The following MYOCOS variants were observed in gnomAD, a reference collection of about 807,000 sequenced individuals.
MYOCOS encodes the protein myocilin opposite strand, also known as myocilin opposite strand protein.
chr1:171,624,435 A>AATTATTATTATTATTATTATT lies in MYOCOS; in HGVS notation c.95+463_95+483dup, dbSNP rs72026900. On this transcript the variant is annotated intron_variant, in intron 2 of 2. Coordinates refer to ENST00000637642, the MANE Select transcript of MYOCOS (RefSeq NM_001391940.1). Reference sequence around the variant, plus strand: ...CAGCCATGTGCCACCACGTCTGGTTAATTATTATTATTATTATTATTATTA... The same window carrying AATTATTATTATTATTATTATT: ...CAGCCATGTGCCACCACGTCTGGTTAATTATTATTATTATTATTATTATTATTATTATTATTATTATTATTA... Among the ~76,000 whole-genome samples, 293 of 147,176 alleles carry AATTATTATTATTATTATTATT rather than the reference A, an allele frequency of 2.0e-3. 2 individuals carry two copies. Among genetic ancestry groups the AATTATTATTATTATTATTATT allele is most frequent in the African/African-American group, 6.8e-3 (269 of 39,284 alleles).
upstream of MYOCOS, among the ~76,000 whole-genome samples, chr1:171,620,741 G>A (rs1385790634): frequency 6.6e-6 from 1 of 151,270 alleles, no homozygotes; most frequent in Admixed American, 6.6e-5. Context: ...CTGTCTTTCT[G>A]GGCAAACCAA....
intron 1 of MYOCOS, among the ~76,000 whole-genome samples, chr1:171,609,453 T>A (rs995811832): frequency 1.3e-5 from 2 of 152,128 alleles, no homozygotes; most frequent in African/African-American, 4.8e-5. Context: ...GTGGATGTAT[T>A]CCCCTCCTGC....
intron 2 of MYOCOS, among the ~76,000 whole-genome samples, chr1:171,616,188 G>A (rs891873866): frequency 3.3e-5 from 5 of 152,080 alleles, no homozygotes; most frequent in African/African-American, 1.2e-4. Context: ...CTGCACTCCA[G>A]CCTGGGTGAC....
chr1:171,606,809 C>T (rs574026219), intron 1 of MYOCOS, among the ~76,000 whole-genome samples: 4 of 152,206 alleles, frequency 2.6e-5, no homozygotes, highest in East Asian at 3.9e-4. Context: ...GTTTTCTCTG[C>T]GGCTTGTCCT....
chr1:171,623,652 A>G (rs1558082760), intron 1 of MYOCOS, among the ~76,000 whole-genome samples, 189 bp from the exon 2 acceptor site: 3 of 152,156 alleles, frequency 2.0e-5, no homozygotes, highest in African/African-American at 4.8e-5. Context: ...CCCACTCCTC[A>G]TAATAGGTAT....
At position 171,613,170 on chromosome 1, in the gene MYOCOS, A is replaced by C. The variant is rs77907559; in HGVS notation, c.-251-1628A>C. 3.8e-3 allele frequency among the ~76,000 whole-genome samples: 584 copies of C among 152,238 alleles called. 7 individuals are homozygous for C. Among genetic ancestry groups the C allele is most frequent in the African/African-American group, 0.013 (558 of 41,556 alleles). ...TGTCCCTAGATCTCTGTGGGAAATC[A>C]TTACTATACACTTGCCATGGTATTA... On this transcript the variant is annotated intron_variant, in intron 1 of 3. Transcript: ENST00000636697.
chr1:171,612,062 G>GTTTCTTTTCT (rs535900839), intron 1 of MYOCOS, among the ~76,000 whole-genome samples: 100 of 151,890 alleles, frequency 6.6e-4, no homozygotes, highest in African/African-American at 2.4e-3. Flanking sequence ...TACCCTTTAG[G>GTTTCTTTTCT]TTTCTTTTCT....
upstream of MYOCOS, among the ~76,000 whole-genome samples, chr1:171,618,848 T>C (rs982680867): frequency 6.6e-6 from 1 of 152,224 alleles, no homozygotes; most frequent in African/African-American, 2.4e-5. Flanking sequence ...AGTTCGGAGA[T>C]TACAGGCATG....
upstream of MYOCOS, among the ~76,000 whole-genome samples, chr1:171,621,531 A>C (rs1344224125): frequency 6.6e-6 from 1 of 151,486 alleles, no homozygotes; most frequent in Non-Finnish European, 1.5e-5. Context: ...ACCCGCCACC[A>C]CGCCTGGCTA....
intron 1 of MYOCOS, among the ~76,000 whole-genome samples, chr1:171,608,886 G>T (rs1169051724): frequency 1.3e-5 from 2 of 152,176 alleles, no homozygotes; most frequent in Non-Finnish European, 2.9e-5. Context: ...GGGGAAATGA[G>T]TCCCTGAGTC....
chr1:171,623,920 C>T lies in MYOCOS; in HGVS notation c.37C>T (p.Leu13Phe), dbSNP rs1572206579. The change falls in exon 2 of 3, where the codon CTC becomes TTC. Residue 13 changes from leucine to phenylalanine, a missense_variant. Transcript: ENST00000637642. ...QKSLANNSIN[L>F]PYKDLTSEVT... ...AAGCCTTGCAAACAACAGCATTAAT[C>T]TCCCCTACAAGGACTTGACCTCCGA... 2.5e-6 allele frequency: 1 copy of T among 398,556 alleles called. No individual in the cohort carries two copies. The highest frequency in any genetic ancestry group is 3.6e-5 in the East Asian group (1 of 28,064). The allele number at this position is 398,556 out of a possible 1,614,324, so 24.7% of individuals were successfully genotyped here.
At chr1:171,604,011 T>G (rs1359120818) in intron 1 of MYOCOS, 10 of 152,184 alleles carry the variant, frequency 6.6e-5, no homozygotes, top group Admixed American at 6.5e-4. Context: ...CACTGAAGTT[T>G]GCAACACCCT....
At chr1:171,617,761 A>C (rs149614356), upstream of MYOCOS, among the ~76,000 whole-genome samples, 7 of 152,240 alleles carry the variant, frequency 4.6e-5, no homozygotes, top group Admixed American at 4.6e-4. Flanking sequence ...GAGAAATAAC[A>C]TGTTTGTTCA....
upstream of MYOCOS, among the ~76,000 whole-genome samples, chr1:171,617,314 A>T (rs1000167104): frequency 2.0e-5 from 3 of 152,148 alleles, no homozygotes; most frequent in Non-Finnish European, 4.4e-5. Context: ...TATGAACCTG[A>T]CACGCGATTA....
chr1:171,607,093 C>CCA (rs1652258909), intron 1 of MYOCOS, among the ~76,000 whole-genome samples: 1 of 66,812 alleles, frequency 1.5e-5, no homozygotes, highest in African/African-American at 5.8e-5. Flanking sequence ...GACTCTGTCT[C>CCA]AAAAAAAAAA....
chr1:171,623,156 T>C (rs2015656), intron 1 of MYOCOS, among the ~76,000 whole-genome samples: 3 of 151,866 alleles, frequency 2.0e-5, no homozygotes, highest in Non-Finnish European at 4.4e-5. Context: ...GAGACAGCTC[T>C]GCTACACTCC....
chr1:171,615,953 C>T (rs983205009), intron 2 of MYOCOS, among the ~76,000 whole-genome samples: 1 of 151,880 alleles, frequency 6.6e-6, no homozygotes, highest in African/African-American at 2.4e-5. Flanking sequence ...CACAGTAGCT[C>T]ATGCCTGTAA....
exon 2 of MYOCOS, chr1:171,614,996 T>C (rs969315573): frequency 6.6e-6 from 1 of 152,134 alleles, no homozygotes; most frequent in African/African-American, 2.4e-5. Context: ...TGAAACCAGC[T>C]GAGAAAAAGG....
intron 1 of MYOCOS, among the ~76,000 whole-genome samples, chr1:171,605,549 C>A (rs1251905573): frequency 1.3e-5 from 2 of 152,202 alleles, no homozygotes; most frequent in Non-Finnish European, 2.9e-5. Flanking sequence ...AGACACAGAG[C>A]TTCTGCTAAG....
Sources: gnomAD v4.1 joint callset for allele counts (sites outside exome capture counted in the v4.1 genomes callset) on GRCh38, gnomAD v4.1.1 for gene constraint, MANE v1.5 for transcripts, NCBI Gene and HGNC (gene_info 2026-07-23, HGNC 2026-07-21) for gene names.